Variants in EMSY observed in about 807,000 individuals in gnomAD.
EMSY encodes BRCA2-interacting transcriptional repressor EMSY.
Under a neutral mutation model 134.6 loss-of-function variants are expected in EMSY, and 26 were observed. That is an observed-to-expected ratio of 0.19 (90% CI 0.14 to 0.27). The LOEUF (loss-of-function observed/expected upper bound fraction) is 0.27. Ranked by LOEUF, EMSY falls within the 10% of genes least tolerant of loss-of-function variation. The probability of loss-of-function intolerance (pLI) is 1.00; values close to 1 mark genes in which losing one functional copy is unlikely to be tolerated. For synonymous variants in EMSY, 579 were observed against 577.8 expected, an observed-to-expected ratio of 1.00 and a Z score of -0.03; for missense variants, 1,305 against 1,611.4, an observed-to-expected ratio of 0.81 and a Z score of 3.26.
At chr11:76,495,983 C>T (rs1949638696) in intron 8 of EMSY, among the ~76,000 whole-genome samples, 1 of 152,026 alleles carries the variant, frequency 6.6e-6, no homozygotes, top group South Asian at 2.1e-4. Flanking sequence ...AAGGGAAAAT[C>T]AGTTCATTTT....
chr11:76,450,154 T>C (rs185862139), intron 2 of EMSY, among the ~76,000 whole-genome samples: 110 of 151,924 alleles, frequency 7.2e-4, no homozygotes, highest in African/African-American at 2.5e-3. Flanking sequence ...CTTCTGCACT[T>C]AACTCCCTGA....
chr11:76,544,304 G>A, exon 19 of EMSY: 2 of 1,614,140 alleles, frequency 1.2e-6, no homozygotes, highest in South Asian at 1.1e-5. Context: ...CGAGGAACTT[G>A]GAACTGAGGA....
chr11:76,486,932 A>G lies in EMSY; in HGVS notation c.1109-9283A>G, dbSNP rs1162899070. 2.0e-5 allele frequency among the ~76,000 whole-genome samples: 3 copies of G among 152,256 alleles called. No individual in the cohort carries two copies. The East Asian group carries it at 5.8e-4, about 29-fold the overall frequency. ...TTCATTTATAACAGAATAACAAATCATGTCAGTTTATACAATCAGAGAGAA... is the reference window on the plus strand; with the variant it reads ...TTCATTTATAACAGAATAACAAATCGTGTCAGTTTATACAATCAGAGAGAA... On this transcript the variant is annotated intron_variant, in intron 8 of 20. Transcript: ENST00000334736.
chr11:76,495,250 AT>A (rs1949604674), intron 8 of EMSY, among the ~76,000 whole-genome samples: 2 of 152,198 alleles, frequency 1.3e-5, no homozygotes, highest in Non-Finnish European at 2.9e-5. Flanking sequence ...AATACAGTGT[AT>A]TTGTCATGGT....
At chr11:76,446,860 G>C in intron 1 of EMSY, 40 bp from the exon 2 acceptor site, 5 of 1,385,896 alleles carry the variant, frequency 3.6e-6, no homozygotes, top group Non-Finnish European at 5.0e-6. Flanking sequence ...AATGTACTTT[G>C]GTACTTTGGT....
At chr11:76,470,513 C>G (rs1948528346) in intron 7 of EMSY, among the ~76,000 whole-genome samples, 1 of 152,116 alleles carries the variant, frequency 6.6e-6, no homozygotes, top group Non-Finnish European at 1.5e-5. Context: ...CATTCATCAA[C>G]AAATCCTATT....
intron 20 of EMSY, 124 bp from the exon 22 acceptor site, chr11:76,549,828 G>A: frequency 1.3e-6 from 1 of 774,394 alleles, no homozygotes; most frequent in South Asian, 1.9e-5. Flanking sequence ...TGCCTGGCAT[G>A]TAGTAGTTGT....
intron 13 of EMSY, among the ~76,000 whole-genome samples, chr11:76,527,932 T>G (rs1276319394): frequency 6.6e-6 from 1 of 152,122 alleles, no homozygotes; most frequent in Non-Finnish European, 1.5e-5. Context: ...CCTTGTGTCT[T>G]TTTGTTCTGC....
chr11:76,510,453 G>T (rs149017978), intron 9 of EMSY, among the ~76,000 whole-genome samples: 54 of 152,336 alleles, frequency 3.5e-4, no homozygotes, highest in African/African-American at 1.3e-3. Context: ...AGTATCTAGG[G>T]TGGGGTAAGT....
At chr11:76,470,289 G>A (rs142917496) in intron 7 of EMSY, among the ~76,000 whole-genome samples, 6,045 of 152,176 alleles carry the variant, frequency 0.04, 143 homozygotes, top group Middle Eastern at 0.051. Context: ...TAAAGAGGAA[G>A]GAGATAATCT....
chr11:76,493,723 G>T (rs775059519), intron 8 of EMSY, among the ~76,000 whole-genome samples: 7 of 152,226 alleles, frequency 4.6e-5, no homozygotes, highest in Non-Finnish European at 8.8e-5. Context: ...TCTCTTGAGA[G>T]CTGTTCTGTT....
At chr11:76,489,862 C>A (rs1371952250) in intron 8 of EMSY, among the ~76,000 whole-genome samples, 1 of 152,166 alleles carries the variant, frequency 6.6e-6, no homozygotes, top group East Asian at 1.9e-4. Context: ...ACCTCGGCCT[C>A]CCAAAGTGCT....
intron 19 of EMSY, 156 bp downstream of exon 20, chr11:76,544,978 T>C (rs1951589553): frequency 2.5e-6 from 2 of 797,038 alleles, no homozygotes; most frequent in South Asian, 1.9e-5. Context: ...CATCAGAAGG[T>C]TGACATTAGG....
At chr11:76,552,297 A>G (rs575203872), downstream of EMSY, 29 of 152,296 alleles carry the variant, frequency 1.9e-4, no homozygotes, top group South Asian at 5.8e-3. Context: ...TGCTCATGAA[A>G]TGGATACAAG....
chr11:76,492,979 C>A (rs189359690), intron 8 of EMSY, among the ~76,000 whole-genome samples: 121 of 152,150 alleles, frequency 8.0e-4, no homozygotes, highest in African/African-American at 2.7e-3. Flanking sequence ...CTGGGGAAAA[C>A]CTGCCTGTGG....
At chr11:76,447,721 T>C (rs1947478760) in intron 2 of EMSY, among the ~76,000 whole-genome samples, 1 of 152,222 alleles carries the variant, frequency 6.6e-6, no homozygotes. Context: ...TAGTTATTAC[T>C]TTCCTTGGGA....
In EMSY at chr11:76,454,672, T is replaced by A. The variant is rs553324885; in HGVS notation, c.245+1284T>A. The A allele has an allele frequency of 4.3e-5, 41 of 953,456 alleles. No individual in the cohort carries two copies. The African/African-American group carries it at 6.4e-4, about 15-fold the overall frequency. 59.1% of individuals were successfully genotyped at this position (953,456 alleles called of 1,614,324 possible). ...TGGAAAGGTATTGTGGGGCAACTAG[T>A]TGTAAGTTGATGCATCAGTTTCATA... On this transcript the variant is annotated intron_variant, in intron 4 of 20. Coordinates refer to ENST00000334736, the Ensembl canonical transcript of EMSY.
At chr11:76,468,674 G>T (rs1470272338) in intron 7 of EMSY, among the ~76,000 whole-genome samples, 2 of 152,180 alleles carry the variant, frequency 1.3e-5, no homozygotes, top group African/African-American at 4.8e-5. Flanking sequence ...TTATGAATTT[G>T]TGGACTTTAT....
intron 6 of EMSY, among the ~76,000 whole-genome samples, chr11:76,462,614 T>C (rs1365535020): frequency 6.6e-6 from 1 of 152,162 alleles, no homozygotes; most frequent in Admixed American, 6.5e-5. Flanking sequence ...GATTGCAGAA[T>C]GATGAAGAGG....
Sources: allele counts gnomAD v4.1 joint callset (sites outside exome capture counted in the v4.1 genomes callset), GRCh38; gene constraint gnomAD v4.1.1; transcripts MANE v1.5; gene names NCBI Gene and HGNC (gene_info 2026-07-23, HGNC 2026-07-21).